IQCM: variants seen among roughly 807,000 people sequenced by gnomAD.
The protein encoded by IQCM is IQ domain-containing protein M.
Under a neutral mutation model 57.6 loss-of-function variants are expected in IQCM, and 45 were observed. The ratio of observed to expected loss-of-function variants is 0.78; its 90% CI spans 0.62 to 1.00. IQCM has a LOEUF of 1.00. Ranked by LOEUF, IQCM falls within the 50% of genes least tolerant of loss-of-function variation. The probability of loss-of-function intolerance (pLI) is 0.00; values close to 1 mark genes in which losing one functional copy is unlikely to be tolerated. For synonymous variants in IQCM, 148 were observed against 158.9 expected (o/e 0.93, Z 0.51); for missense variants, 468 against 511.6 (o/e 0.91, Z 0.82).
chr4:149,731,635 T>C (rs907336485), intron 5 of IQCM, among the ~76,000 whole-genome samples: 2 of 152,024 alleles, frequency 1.3e-5, no homozygotes, highest in African/African-American at 4.8e-5. Context: ...AGTTAATTCA[T>C]CCTAAAATAA....
intron 12 of IQCM, among the ~76,000 whole-genome samples, chr4:149,462,911 C>A (rs1266687910): frequency 6.6e-6 from 1 of 152,152 alleles, no homozygotes; most frequent in Non-Finnish European, 1.5e-5. Context: ...CAATGAACAG[C>A]ACACTGGGAG....
At chr4:149,473,931 C>T (rs551262317) in intron 12 of IQCM, among the ~76,000 whole-genome samples, 4 of 152,000 alleles carry the variant, frequency 2.6e-5, no homozygotes, top group Non-Finnish European at 5.9e-5. Context: ...ACAATGAGAA[C>T]AATTGGACAC....
intron 12 of IQCM, among the ~76,000 whole-genome samples, chr4:149,505,860 T>G (rs1237648837): frequency 6.6e-6 from 1 of 152,216 alleles, no homozygotes; most frequent in African/African-American, 2.4e-5. Flanking sequence ...AACAGAATGT[T>G]AAATGGAATT....
At chr4:149,508,732 G>A (rs1011841870) in intron 12 of IQCM, among the ~76,000 whole-genome samples, 1 of 152,162 alleles carries the variant, frequency 6.6e-6, no homozygotes, top group Admixed American at 6.5e-5. Flanking sequence ...GACTTTGGGG[G>A]ATTGTTGGGA....
chr4:149,703,608 T>C (rs1343679748), intron 5 of IQCM, among the ~76,000 whole-genome samples: 1 of 151,934 alleles, frequency 6.6e-6, no homozygotes, highest in Non-Finnish European at 1.5e-5. Flanking sequence ...ATATCAAACA[T>C]ACTGTCAGAC....
intron 2 of IQCM, among the ~76,000 whole-genome samples, chr4:149,779,926 A>G (rs1771449449): frequency 6.6e-6 from 1 of 152,120 alleles, no homozygotes; most frequent in African/African-American, 2.4e-5. Flanking sequence ...ATTACTTCAC[A>G]AAATTGGTGA....
At chr4:149,669,774 A>T (rs1761084546) in intron 7 of IQCM, among the ~76,000 whole-genome samples, 1 of 152,178 alleles carries the variant, frequency 6.6e-6, no homozygotes, top group African/African-American at 2.4e-5. Flanking sequence ...TTTGTCAAAG[A>T]TCAGACGGTT....
intron 8 of IQCM, among the ~76,000 whole-genome samples, chr4:149,610,044 A>G (rs946756703): frequency 1.3e-5 from 2 of 152,014 alleles, no homozygotes; most frequent in African/African-American, 4.8e-5. Context: ...TGAAGAATAT[A>G]AAATCAACTT....
chr4:149,785,268 C>A (rs971855622), intron 2 of IQCM, among the ~76,000 whole-genome samples: 1 of 152,168 alleles, frequency 6.6e-6, no homozygotes, highest in Non-Finnish European at 1.5e-5. Context: ...ACTCATCAAA[C>A]TTTTCCTTTG....
At chr4:149,810,322 A>G (rs2150066197) in intron 2 of IQCM, among the ~76,000 whole-genome samples, 2 of 146,000 alleles carry the variant, frequency 1.4e-5, no homozygotes. Context: ...TGATTGCGCC[A>G]TTACACTCCA....
chr4:149,486,466 C>T (rs1415889657), intron 12 of IQCM, among the ~76,000 whole-genome samples: 10 of 151,960 alleles, frequency 6.6e-5, no homozygotes, highest in Non-Finnish European at 1.2e-4. Flanking sequence ...CCCAAAAGCT[C>T]GGCCAGGCAC....
chr4:149,540,143 C>T (rs546447525), intron 12 of IQCM, among the ~76,000 whole-genome samples: 5 of 150,426 alleles, frequency 3.3e-5, no homozygotes, highest in African/African-American at 9.7e-5. Flanking sequence ...TGAGCATGCC[C>T]AGAAGAAAGG....
Position 149,728,319 on chromosome 4 carries a change from A to G in IQCM, c.385+4925T>C, listed in dbSNP as rs370056579. Among the ~76,000 whole-genome samples, 12 of 152,296 alleles carry G rather than the reference A, an allele frequency of 7.9e-5. No individual in the cohort carries two copies. The South Asian group carries it at 8.3e-4, about 11-fold the overall frequency. On this transcript the variant is annotated intron_variant, in intron 5 of 13. Coordinates refer to ENST00000636793, the MANE Select transcript of IQCM (RefSeq NM_001363507.2). ...GGGAAGTCTTGCAGACACACAGTCC[A>G]TGTCCAATTTACTTGTGATGTACTC...
chr4:149,359,961 A>C (rs1729357230), intron 13 of IQCM, among the ~76,000 whole-genome samples: 1 of 152,182 alleles, frequency 6.6e-6, no homozygotes, highest in South Asian at 2.1e-4. Flanking sequence ...AAAGGGCACT[A>C]GCTGAGAGCT....
At chr4:149,640,906 G>C (rs778576344) in intron 7 of IQCM, among the ~76,000 whole-genome samples, 5 of 152,164 alleles carry the variant, frequency 3.3e-5, no homozygotes, top group Non-Finnish European at 7.3e-5. Flanking sequence ...GAGGCCAGTG[G>C]ATCATCTAAG....
At chr4:149,400,229 T>A (rs1039137699) in intron 13 of IQCM, among the ~76,000 whole-genome samples, 2 of 151,816 alleles carry the variant, frequency 1.3e-5, no homozygotes, top group Non-Finnish European at 2.9e-5. Flanking sequence ...TGGGTTTTTG[T>A]TTTTTCTTTT....
chr4:149,487,609 C>G (rs1741657960), intron 12 of IQCM, among the ~76,000 whole-genome samples: 1 of 152,122 alleles, frequency 6.6e-6, no homozygotes, highest in African/African-American at 2.4e-5. Context: ...AAGTACTGAC[C>G]ACTGGGATGG....
chr4:149,530,972 G>C (rs944379235), intron 12 of IQCM, among the ~76,000 whole-genome samples: 24 of 152,096 alleles, frequency 1.6e-4, no homozygotes, highest in African/African-American at 5.5e-4. Context: ...TCTGAGGAGT[G>C]GTGGGCTAAC....
chr4:149,601,168 C>T (rs1754245840), intron 8 of IQCM, among the ~76,000 whole-genome samples: 1 of 150,794 alleles, frequency 6.6e-6, no homozygotes, highest in Non-Finnish European at 1.5e-5. Context: ...TAAATCACTA[C>T]AGATCTTCTG....
Sources: allele counts gnomAD v4.1 joint callset (sites outside exome capture counted in the v4.1 genomes callset), GRCh38; gene constraint gnomAD v4.1.1; transcripts MANE v1.5; gene names NCBI Gene and HGNC (gene_info 2026-07-23, HGNC 2026-07-21).